Variants in DLC1 observed in about 807,000 individuals in gnomAD.
DLC1 encodes the protein DLC1 Rho GTPase activating protein.
A neutral mutation model predicts 140.3 loss-of-function variants in DLC1; 54 were observed. That is an observed-to-expected ratio of 0.38 (90% CI 0.31 to 0.48). The LOEUF (loss-of-function observed/expected upper bound fraction) is 0.48. Among genes scored for constraint, DLC1 ranks in the 20% least tolerant of loss-of-function variants. DLC1 has a pLI of 0.96. For missense variants in DLC1, 2,536 were observed against 1,907.0 expected, an observed-to-expected ratio of 1.33 and a Z score of -6.14; for synonymous variants, 986 against 728.1, an observed-to-expected ratio of 1.35 and a Z score of -5.70.
intron 3 of DLC1, among the ~76,000 whole-genome samples, chr8:13,395,856 G>T (rs167043): frequency 0.83 from 124,549 of 149,886 alleles, 51,790 homozygotes; most frequent in East Asian, 0.98. Flanking sequence ...CTTCTTCTTT[G>T]TTTTTTTGCA....
intron 5 of DLC1, among the ~76,000 whole-genome samples, chr8:13,163,851 C>T (rs990746911): frequency 1.4e-4 from 21 of 151,902 alleles, no homozygotes; most frequent in Non-Finnish European, 8.8e-5. Flanking sequence ...ACAGAATAAC[C>T]CCAAAATTAG....
At chr8:13,337,186 C>T (rs757577334) in intron 4 of DLC1, among the ~76,000 whole-genome samples, 7 of 152,062 alleles carry the variant, frequency 4.6e-5, no homozygotes, top group Admixed American at 3.3e-4. Flanking sequence ...CTTGATCATG[C>T]AGCACACAAA....
intron 1 of DLC1, among the ~76,000 whole-genome samples, chr8:13,591,452 C>G (rs1805513341): frequency 6.6e-6 from 1 of 152,062 alleles, no homozygotes; most frequent in Non-Finnish European, 1.5e-5. Context: ...CTCCTGCCAC[C>G]TTGTGAAGAA....
chr8:13,242,677 G>A (rs928232514), intron 5 of DLC1, among the ~76,000 whole-genome samples: 1 of 152,130 alleles, frequency 6.6e-6, no homozygotes, highest in African/African-American at 2.4e-5. Context: ...ACAGGTGTGA[G>A]CCATTGTGCC....
intron 2 of DLC1, among the ~76,000 whole-genome samples, chr8:13,450,473 A>AAAAG (rs1320365777): frequency 6.6e-6 from 1 of 151,158 alleles, no homozygotes; most frequent in Non-Finnish European, 1.5e-5. Context: ...AAAAAAAAAA[A>AAAAG]AAGGCCGAAG....
chr8:13,532,658 A>G (rs1803138671), intron 1 of DLC1, among the ~76,000 whole-genome samples: 1 of 152,050 alleles, frequency 6.6e-6, no homozygotes, highest in Admixed American at 6.5e-5. Flanking sequence ...GCAATCATTC[A>G]TTGCTCACTG....
chr8:13,314,676 T>C (rs540158134), intron 4 of DLC1, among the ~76,000 whole-genome samples: 6 of 152,202 alleles, frequency 3.9e-5, no homozygotes, highest in Non-Finnish European at 7.3e-5. Flanking sequence ...TTTTGGTAGA[T>C]CCAGGCTTCT....
At chr8:13,197,411 T>C (rs1273165022) in intron 5 of DLC1, among the ~76,000 whole-genome samples, 1 of 151,972 alleles carries the variant, frequency 6.6e-6, no homozygotes, top group Non-Finnish European at 1.5e-5. Flanking sequence ...TGCAGTGGCG[T>C]GATCTCGGCT....
intron 5 of DLC1, among the ~76,000 whole-genome samples, chr8:13,253,429 TTA>T (rs996830131): frequency 3.1e-5 from 4 of 129,102 alleles, no homozygotes; most frequent in African/African-American, 8.8e-5. Flanking sequence ...AAAATACATA[TTA>T]TGTGTGTGTG....
At chr8:13,256,046 AC>A (rs1232012542) in intron 5 of DLC1, among the ~76,000 whole-genome samples, 1 of 152,228 alleles carries the variant, frequency 6.6e-6, no homozygotes, top group Non-Finnish European at 1.5e-5. Flanking sequence ...CAGATGAGGA[AC>A]AAAAAGATGA....
In DLC1 at chr8:13,382,472, C is replaced by T. The variant is rs985798325; in HGVS notation, c.1314+11081G>A. ...GCAGTGAGCCGAGATTGCGCCACTG[C>T]ACTCCAGCCTGGGCGACAGCGAGAC... On this transcript the variant is annotated intron_variant, in intron 4 of 17. Transcript: ENST00000276297. Among the ~76,000 whole-genome samples the T allele has an allele frequency of 1.2e-4, 14 of 118,182 alleles. No individual in the cohort carries two copies. The Admixed American group carries it at 1.5e-3, about 13-fold the overall frequency. The allele number at this position is 118,182 out of a possible 152,430, so 77.5% of individuals were successfully genotyped here.
rs561616302 is a variant in DLC1 at position 13,475,471 on chromosome 8, C to T, written c.1023+23578G>A. 4.3e-4 allele frequency among the ~76,000 whole-genome samples: 66 copies of T among 152,224 alleles called. 2 individuals carry two copies. The South Asian group carries it at 6.4e-3, about 15-fold the overall frequency. ...ATAATAAATTTCCTGTTATTCTTAG[C>T]GTGTGCCCAGAAGCCATGGAGATTT... On this transcript the variant is annotated intron_variant, in intron 2 of 17. Coordinates refer to ENST00000276297, the MANE Select transcript of DLC1 (RefSeq NM_182643.3).
intron 5 of DLC1, among the ~76,000 whole-genome samples, chr8:13,119,525 T>G (rs1336818947): frequency 6.6e-6 from 1 of 152,172 alleles, no homozygotes; most frequent in African/African-American, 2.4e-5. Flanking sequence ...TTAATACGCA[T>G]AAGGCCCTGT....
intron 1 of DLC1, among the ~76,000 whole-genome samples, chr8:13,540,555 G>A (rs1303165800): frequency 6.6e-6 from 1 of 152,174 alleles, no homozygotes; most frequent in African/African-American, 2.4e-5. Context: ...TACAAAATGT[G>A]TCTGCGCAGA....
chr8:13,097,809 A>G (rs1435314113), intron 10 of DLC1, among the ~76,000 whole-genome samples: 1 of 152,076 alleles, frequency 6.6e-6, no homozygotes, highest in African/African-American at 2.4e-5. Flanking sequence ...TCACTCAAAG[A>G]GCTGAAAACT....
rs140071041 is a variant in DLC1, at chr8:13,279,588, C to T, written c.1348+25681G>A. Among the ~76,000 whole-genome samples, 489 of 152,278 alleles carry T rather than the reference C, an allele frequency of 3.2e-3. 3 individuals carry two copies. Among genetic ancestry groups the T allele is most frequent in the South Asian group, 7.2e-3 (35 of 4,832 alleles). The stretch of plus-strand genomic sequence containing the variant: ...AATTATAGGTTTTACCATAGGCCAA[C>T]GTAGAGCTGACAATTTGGCCTCTCA... On this transcript the variant is annotated intron_variant, in intron 5 of 17. Coordinates refer to ENST00000276297, the MANE Select transcript of DLC1 (RefSeq NM_182643.3).
chr8:13,343,395 TATG>T (rs1327984029), intron 4 of DLC1, among the ~76,000 whole-genome samples: 1 of 152,198 alleles, frequency 6.6e-6, no homozygotes, highest in Non-Finnish European at 1.5e-5. Context: ...CTCAATCAGT[TATG>T]ATAACTGAAT....
chr8:13,472,624 A>C (rs986576259), intron 2 of DLC1, among the ~76,000 whole-genome samples: 2 of 152,180 alleles, frequency 1.3e-5, no homozygotes, highest in Non-Finnish European at 2.9e-5. Context: ...ATTGGGAAGA[A>C]CCAGCCTTGG....
intron 4 of DLC1, among the ~76,000 whole-genome samples, chr8:13,352,060 A>G (rs1209672771): frequency 6.6e-6 from 1 of 152,214 alleles, no homozygotes; most frequent in South Asian, 2.1e-4. Context: ...AATAACATTT[A>G]TGTCTTGTTT....
Sources: gnomAD v4.1 joint callset for allele counts (sites outside exome capture counted in the v4.1 genomes callset) on GRCh38, gnomAD v4.1.1 for gene constraint, MANE v1.5 for transcripts, NCBI Gene and HGNC (gene_info 2026-07-23, HGNC 2026-07-21) for gene names.